Variants in CCDC178 observed in about 807,000 individuals in gnomAD.
CCDC178 encodes coiled-coil domain-containing protein 178.
In CCDC178, 126 loss-of-function variants were observed where a neutral mutation model predicts 117.4. The observed-to-expected ratio is 1.07, with a 90% CI of 0.93 to 1.24. The LOEUF (loss-of-function observed/expected upper bound fraction) is 1.24. CCDC178 is among the 50% of genes most tolerant of loss of function. The probability of loss-of-function intolerance (pLI) is 0.00; values close to 1 mark genes in which losing one functional copy is unlikely to be tolerated. For synonymous variants in CCDC178, 283 were observed against 313.4 expected (o/e 0.90, Z 1.02); for missense variants, 1,030 against 986.9 (o/e 1.04, Z -0.59).
At chr18:33,276,254 CA>C (rs1599090277) in intron 12 of CCDC178, among the ~76,000 whole-genome samples, 1 of 151,932 alleles carries the variant, frequency 6.6e-6, no homozygotes, top group African/African-American at 2.4e-5. Context: ...GTGCATATTT[CA>C]AATGTTGTGG....
intron 11 of CCDC178, among the ~76,000 whole-genome samples, chr18:33,313,049 T>G (rs2062364510): frequency 6.6e-6 from 1 of 152,186 alleles, no homozygotes; most frequent in African/African-American, 2.4e-5. Flanking sequence ...GTGTAAAAGC[T>G]GGTGCTCTTC....
At chr18:33,372,129 A>G (rs547088632) in intron 5 of CCDC178, among the ~76,000 whole-genome samples, 35 of 152,224 alleles carry the variant, frequency 2.3e-4, no homozygotes, top group African/African-American at 8.2e-4. Context: ...CATATGGTAA[A>G]GTAATGGGAA....
intron 21 of CCDC178, among the ~76,000 whole-genome samples, chr18:33,023,443 T>C (rs2056162874): frequency 6.6e-6 from 1 of 152,138 alleles, no homozygotes; most frequent in African/African-American, 2.4e-5. Flanking sequence ...CAGAAACACT[T>C]GGAAAATAAC....
At chr18:33,102,605 G>A (rs1159327199) in intron 20 of CCDC178, among the ~76,000 whole-genome samples, 1 of 151,482 alleles carries the variant, frequency 6.6e-6, no homozygotes, top group Non-Finnish European at 1.5e-5. Context: ...TGCTTTATTG[G>A]GAAGGAAGAG....
intron 12 of CCDC178, among the ~76,000 whole-genome samples, 176 bp downstream of exon 12, chr18:33,292,983 G>C (rs1431673560): frequency 1.3e-5 from 2 of 152,032 alleles, no homozygotes; most frequent in African/African-American, 4.8e-5. Context: ...AATGGGTCCT[G>C]TTTCAAGCTG....
At chr18:33,280,494 C>A (rs1041306038) in intron 12 of CCDC178, among the ~76,000 whole-genome samples, 3 of 151,680 alleles carry the variant, frequency 2.0e-5, no homozygotes, top group Admixed American at 6.6e-5. Flanking sequence ...AACACTTTTA[C>A]ACTGTTGGTG....
intron 20 of CCDC178, among the ~76,000 whole-genome samples, chr18:33,112,107 TA>T (rs2057791407): frequency 6.6e-6 from 1 of 151,772 alleles, no homozygotes; most frequent in Non-Finnish European, 1.5e-5. Context: ...TCATGACTGA[TA>T]TTATAAATAA....
intron 14 of CCDC178, among the ~76,000 whole-genome samples, chr18:33,266,435 G>A (rs2059815350): frequency 6.6e-6 from 1 of 151,856 alleles, no homozygotes; most frequent in African/African-American, 2.4e-5. Flanking sequence ...GGGGGCTACT[G>A]TATTTTAAGT....
chr18:33,095,560 C>T (rs573603933), intron 20 of CCDC178, among the ~76,000 whole-genome samples: 97 of 151,884 alleles, frequency 6.4e-4, no homozygotes, highest in African/African-American at 2.2e-3. Context: ...TGTTGCACTG[C>T]GAAGATCTAA....
At chr18:33,167,833 CTCCAGCCTGGGTGAGAGAGTGA>C in intron 20 of CCDC178, among the ~76,000 whole-genome samples, 1 of 151,966 alleles carries the variant, frequency 6.6e-6, no homozygotes, top group Non-Finnish European at 1.5e-5. Flanking sequence ...CACCACTGCA[CTCCAGCCTGGGTGAGAGAGTGA>C]GACTCTGTCT....
chr18:33,197,625 C>T (rs1053609797), intron 20 of CCDC178, among the ~76,000 whole-genome samples: 1 of 136,230 alleles, frequency 7.3e-6, no homozygotes, highest in Non-Finnish European at 1.6e-5. Context: ...ATTGCTTTAT[C>T]AAAAAAAAAA....
intron 20 of CCDC178, among the ~76,000 whole-genome samples, chr18:33,155,612 G>C (rs1412704398): frequency 6.6e-6 from 1 of 152,118 alleles, no homozygotes; most frequent in East Asian, 1.9e-4. Context: ...CAAATATCTA[G>C]TTTTTAAAAT....
intron 22 of CCDC178, among the ~76,000 whole-genome samples, chr18:32,948,707 A>G (rs893700091): frequency 6.6e-6 from 1 of 152,086 alleles, no homozygotes; most frequent in Admixed American, 6.6e-5. Flanking sequence ...CTATTGTCAT[A>G]CTTTTTACTT....
intron 21 of CCDC178, 52 bp downstream of exon 21, chr18:33,092,709 A>T: frequency 1.6e-6 from 2 of 1,285,016 alleles, no homozygotes; most frequent in Non-Finnish European, 2.2e-6. Context: ...TTACTTTTGT[A>T]GTGCATATAT....
At chr18:32,974,730 A>G in intron 21 of CCDC178, 49 bp from the exon 22 acceptor site, 1 of 1,576,736 alleles carries the variant, frequency 6.3e-7, no homozygotes, top group Non-Finnish European at 8.7e-7. Flanking sequence ...GAGGAGAGGA[A>G]ATTAATGGCA....
intron 8 of CCDC178, among the ~76,000 whole-genome samples, chr18:33,347,991 C>A (rs2062920102): frequency 6.6e-6 from 1 of 151,850 alleles, no homozygotes; most frequent in South Asian, 2.1e-4. Context: ...ATGTTTTAGA[C>A]CTCAAATGTA....
chr18:33,166,315 G>A (rs1747340468), intron 20 of CCDC178, among the ~76,000 whole-genome samples: 1 of 152,048 alleles, frequency 6.6e-6, no homozygotes, highest in Non-Finnish European at 1.5e-5. Flanking sequence ...TTCTGAATAT[G>A]TTTATATACA....
intron 21 of CCDC178, among the ~76,000 whole-genome samples, chr18:33,016,897 G>GA (rs994186320): frequency 2.0e-5 from 3 of 151,830 alleles, no homozygotes; most frequent in African/African-American, 7.2e-5. Flanking sequence ...GACAGATGCA[G>GA]AAAAAACATT....
intron 21 of CCDC178, among the ~76,000 whole-genome samples, chr18:32,988,171 C>T (rs568455396): frequency 1.3e-5 from 2 of 151,816 alleles, no homozygotes; most frequent in East Asian, 3.9e-4. Context: ...GTGGCTCACG[C>T]CTGTAATCCT....
Sources: allele counts gnomAD v4.1 joint callset (sites outside exome capture counted in the v4.1 genomes callset), GRCh38; gene constraint gnomAD v4.1.1; transcripts MANE v1.5; gene names NCBI Gene and HGNC (gene_info 2026-07-23, HGNC 2026-07-21).